The following SLC2A9 variants were observed in gnomAD, a reference collection of about 807,000 sequenced individuals.
The protein encoded by SLC2A9 is solute carrier family 2 member 9.
In SLC2A9, 39 loss-of-function variants were observed where a neutral mutation model predicts 50.6. That is an observed-to-expected ratio of 0.77 (90% CI 0.60 to 1.01). SLC2A9 has a LOEUF of 1.01. Among genes scored for constraint, SLC2A9 ranks in the 50% least tolerant of loss-of-function variants. The pLI is 0.00. For synonymous variants in SLC2A9, 324 were observed against 276.9 expected, an observed-to-expected ratio of 1.17 and a Z score of -1.69; for missense variants, 686 against 677.6, an observed-to-expected ratio of 1.01 and a Z score of -0.14.
chr4:9,889,584 C>A (rs1195139818), intron 9 of SLC2A9, among the ~76,000 whole-genome samples: 1 of 152,188 alleles, frequency 6.6e-6, no homozygotes, highest in Non-Finnish European at 1.5e-5. Context: ...TGCCGGTCAG[C>A]GTGCTTGCCA....
rs1310966438 is a variant in SLC2A9 at position 9,851,134 on chromosome 4, G to C, written c.1292-16126C>G. On this transcript the variant is annotated intron_variant, in intron 10 of 11. Transcript: ENST00000264784. ...CTGCTGGCACACTTGAGCGAGCATGGATCCCACTGCCGAAGTGCTTTGGCT... is the reference window on the plus strand; with the variant it reads ...CTGCTGGCACACTTGAGCGAGCATGCATCCCACTGCCGAAGTGCTTTGGCT... 3.3e-5 allele frequency among the ~76,000 whole-genome samples: 5 copies of C among 152,216 alleles called. No homozygotes were observed. In the East Asian group the frequency reaches 9.6e-4, roughly 29 times the overall value.
At chr4:9,992,310 A>G (rs1295220961) in intron 3 of SLC2A9, among the ~76,000 whole-genome samples, 1 of 152,248 alleles carries the variant, frequency 6.6e-6, no homozygotes, top group Non-Finnish European at 1.5e-5. Flanking sequence ...GAGTGTTAGA[A>G]TGTTATTTGC....
intron 1 of SLC2A9, chr4:10,036,005 G>A (rs777766291): frequency 3.5e-5 from 7 of 201,946 alleles, no homozygotes; most frequent in Non-Finnish European, 5.7e-5. Context: ...GAGCCGTGCT[G>A]CCAGAATCCC....
At chr4:9,981,176 GGTGGTGGTGGTA>G (rs1755709289) in intron 4 of SLC2A9, among the ~76,000 whole-genome samples, 1 of 89,282 alleles carries the variant, frequency 1.1e-5, no homozygotes. Flanking sequence ...TGGTAGTGAT[GGTGGTGGTGGTA>G]GTGATGGTCA....
intron 10 of SLC2A9, among the ~76,000 whole-genome samples, chr4:9,886,752 T>C (rs1736347234): frequency 6.6e-6 from 1 of 151,938 alleles, no homozygotes; most frequent in Non-Finnish European, 1.5e-5. Context: ...AGAGAGCACA[T>C]GGCTGTGTCA....
rs1718240921 is a variant in SLC2A9 at position 9,780,732 on chromosome 4, TG to T, written n.386-668del. Among the ~76,000 whole-genome samples, 8 of 152,336 alleles carry T rather than the reference TG, an allele frequency of 5.3e-5. No homozygotes were observed. In the South Asian group the frequency reaches 1.7e-3, roughly 32 times the overall value. Reference sequence around the variant, plus strand: ...CACTTCACAAATGCAACTTGTCAGCTGGGAGGTGCACTCAGAGCTCAGGAAC... The same window carrying T: ...CACTTCACAAATGCAACTTGTCAGCTGGAGGTGCACTCAGAGCTCAGGAAC... On this transcript the variant is annotated intron_variant and non_coding_transcript_variant, in intron 3 of 3. Coordinates refer to the SLC2A9 transcript ENST00000503803.
At chr4:9,859,691 GT>G (rs1163331047) in intron 10 of SLC2A9, among the ~76,000 whole-genome samples, 1 of 152,206 alleles carries the variant, frequency 6.6e-6, no homozygotes, top group African/African-American at 2.4e-5. Flanking sequence ...TCTCTTGGAA[GT>G]TTCTTCCAGT....
chr4:9,835,997 G>A (rs1380130093), intron 10 of SLC2A9, among the ~76,000 whole-genome samples: 1 of 137,786 alleles, frequency 7.3e-6, no homozygotes, highest in Non-Finnish European at 1.5e-5. Flanking sequence ...TGAGGCAGGA[G>A]AATCATTTGA....
intron 4 of SLC2A9, among the ~76,000 whole-genome samples, chr4:9,983,764 T>C (rs1756267852): frequency 6.6e-6 from 1 of 152,282 alleles, no homozygotes; most frequent in Admixed American, 6.5e-5. Context: ...TTTCGCTCTG[T>C]AGCCAAGGCT....
At chr4:10,002,354 TG>T (rs1304006437) in intron 2 of SLC2A9, among the ~76,000 whole-genome samples, 1 of 152,142 alleles carries the variant, frequency 6.6e-6, no homozygotes, top group Non-Finnish European at 1.5e-5. Flanking sequence ...ACAACCCTAG[TG>T]GTAAAAGCCC....
rs150183610 is a variant in SLC2A9 at position 9,810,205 on chromosome 4, C to T, written n.421-10964G>A. On this transcript the variant is annotated intron_variant and non_coding_transcript_variant, in intron 3 of 3. Coordinates refer to the SLC2A9 transcript ENST00000503280. ...TTCTTTACCACCATATGTCCAACAC[C>T]GAGAACATTACCGAGTGCACAGTAG... Among the ~76,000 whole-genome samples the T allele has an allele frequency of 2.8e-3, 421 of 152,150 alleles. 1 individual carries two copies. The highest frequency in any genetic ancestry group is 9.0e-3 in the African/African-American group (375 of 41,488).
chr4:10,024,751 C>T (rs115630301), upstream of SLC2A9, among the ~76,000 whole-genome samples: 725 of 152,280 alleles, frequency 4.8e-3, 7 homozygotes, highest in African/African-American at 0.016. Context: ...AAACTGTCCT[C>T]CGGATGATTT....
rs371215236 is a variant in SLC2A9, at chr4:9,869,065, T to C, written c.1291+18502A>G. Among the ~76,000 whole-genome samples the C allele has an allele frequency of 2.1e-4, 32 of 152,328 alleles. No individual in the cohort carries two copies. In the South Asian group the frequency reaches 6.6e-3, roughly 32 times the overall value. On this transcript the variant is annotated intron_variant, in intron 10 of 11. Transcript: ENST00000264784. ...AACCCACAAGTGAAGACAATGAAAA[T>C]GGTCAACTAAATTCTATGTATTGAC...
At chr4:9,920,173 G>C (rs1743638477) in intron 7 of SLC2A9, among the ~76,000 whole-genome samples, 1 of 152,220 alleles carries the variant, frequency 6.6e-6, no homozygotes, top group African/African-American at 2.4e-5. Flanking sequence ...TGAACACTTT[G>C]CATGGATTGT....
intron 5 of SLC2A9, among the ~76,000 whole-genome samples, chr4:9,954,316 A>T (rs180691673): frequency 3.9e-5 from 6 of 152,380 alleles, no homozygotes; most frequent in Admixed American, 3.3e-4. Flanking sequence ...CTGGCCACAG[A>T]CATGGGGCTC....
chr4:9,961,854 C>T (rs975519505), intron 5 of SLC2A9, among the ~76,000 whole-genome samples: 3 of 152,060 alleles, frequency 2.0e-5, no homozygotes, highest in African/African-American at 2.4e-5. Context: ...GGAACTTAAA[C>T]AAATTTATAA....
At chr4:9,824,918 A>G (rs925876033), downstream of SLC2A9, among the ~76,000 whole-genome samples, 7 of 152,208 alleles carry the variant, frequency 4.6e-5, no homozygotes, top group African/African-American at 1.7e-4. Flanking sequence ...GCTGGATGGC[A>G]TAGTGCATTG....
Position 9,783,530 on chromosome 4 carries a change from C to T in SLC2A9, n.386-3465G>A, listed in dbSNP as rs113892809. 3.4e-5 allele frequency: 48 copies of T among 1,417,194 alleles called. 2 individuals are homozygous for T. In the South Asian group the frequency reaches 5.7e-4, roughly 17 times the overall value. The allele number at this position is 1,417,194 out of a possible 1,614,324, so 87.8% of individuals were successfully genotyped here. A position where few individuals can be genotyped will look rare whatever the true frequency, so the allele number is the denominator to read the frequency against. Reference sequence around the variant, plus strand: ...AGACATTGACAAGCACGCACACACACGCAAATACATGCCTTTCCAGTGCTG... The same window carrying T: ...AGACATTGACAAGCACGCACACACATGCAAATACATGCCTTTCCAGTGCTG... On this transcript the variant is annotated intron_variant and non_coding_transcript_variant, in intron 3 of 3. Coordinates refer to the SLC2A9 transcript ENST00000503803.
chr4:9,993,974 C>A (rs1249169761), intron 3 of SLC2A9, among the ~76,000 whole-genome samples: 1 of 152,246 alleles, frequency 6.6e-6, no homozygotes, highest in Non-Finnish European at 1.5e-5. Flanking sequence ...CTCTTCCCCA[C>A]TTCCCTGGAA....
Sources: gnomAD v4.1 joint callset for allele counts (sites outside exome capture counted in the v4.1 genomes callset) on GRCh38, gnomAD v4.1.1 for gene constraint, MANE v1.5 for transcripts, NCBI Gene and HGNC (gene_info 2026-07-23, HGNC 2026-07-21) for gene names.